SLC12A1: variants seen among roughly 807,000 people sequenced by gnomAD.
The protein encoded by SLC12A1 is solute carrier family 12 member 1.
In SLC12A1, 89 loss-of-function variants were observed where a neutral mutation model predicts 130.4. That is an observed-to-expected ratio of 0.68 (90% CI 0.58 to 0.81). The LOEUF is 0.81. SLC12A1 is among the 40% of genes least tolerant of loss of function. SLC12A1 has a pLI of 0.00. For missense variants in SLC12A1, 1,310 were observed against 1,336.4 expected, an observed-to-expected ratio of 0.98 and a Z score of 0.31; for synonymous variants, 499 against 460.0, an observed-to-expected ratio of 1.08 and a Z score of -1.09.
chr15:48,220,484 A>C (rs2041198137), intron 2 of SLC12A1, 150 bp from the exon 3 acceptor site: 19 of 825,674 alleles, frequency 2.3e-5, no homozygotes, highest in Non-Finnish European at 3.4e-5. Context: ...AAAAAATATA[A>C]GTTTCATTAA....
chr15:48,251,608 T>C lies in SLC12A1; in HGVS notation c.1787-7T>C. ...GGAAGTTTTCCTTCTGCATATTTTG[T>C]TTTCAGGATGGAGACCTGCGTATGG... On this transcript the variant is annotated splice_region_variant and splice_polypyrimidine_tract_variant and intron_variant, in intron 14 of 26. Transcript: ENST00000380993. The C allele has an allele frequency of 6.2e-7, 1 of 1,612,366 alleles. No homozygotes were observed. Among genetic ancestry groups the C allele is most frequent in the Non-Finnish European group, 8.5e-7 (1 of 1,178,414 alleles).
At chr15:48,301,567 C>T (rs1008682577) in intron 26 of SLC12A1, among the ~76,000 whole-genome samples, 185 bp downstream of exon 26, 5 of 150,748 alleles carry the variant, frequency 3.3e-5, no homozygotes, top group African/African-American at 1.2e-4. Context: ...GAGACCTTGA[C>T]CCCTCAGGCC....
At chr15:48,232,671 A>ATGT (rs1389236218) in intron 7 of SLC12A1, 56 bp from the exon 8 acceptor site, 3 of 1,070,134 alleles carry the variant, frequency 2.8e-6, no homozygotes, top group East Asian at 2.4e-5. Flanking sequence ...TTTTATAATT[A>ATGT]TGTAAAAAGT....
At chr15:48,265,764 C>T (rs1231779495) in intron 17 of SLC12A1, among the ~76,000 whole-genome samples, 3 of 151,956 alleles carry the variant, frequency 2.0e-5, no homozygotes, top group African/African-American at 4.8e-5. Context: ...GAGTCTGATC[C>T]AATTTAAATA....
chr15:48,257,927 CTTT>C (rs371827665), intron 16 of SLC12A1, among the ~76,000 whole-genome samples: 220 of 152,310 alleles, frequency 1.4e-3, no homozygotes, highest in African/African-American at 4.8e-3. Flanking sequence ...ATTTTTCCAA[CTTT>C]TTTGCTCTGT....
In SLC12A1 at chr15:48,294,899, T is replaced by TTTTATTTA. The variant is rs6145555; in HGVS notation, c.2960+3055_2960+3062dup. Among the ~76,000 whole-genome samples, 412 of 147,438 alleles carry TTTTATTTA rather than the reference T, an allele frequency of 2.8e-3. 3 individuals carry two copies. Among genetic ancestry groups the TTTTATTTA allele is most frequent in the Non-Finnish European group, 3.5e-3 (234 of 67,362 alleles). The stretch of plus-strand genomic sequence containing the variant: ...TGAATTATCCACCCACTTCTTTTTA[T>TTTTATTTA]TTTATTTATTTATTTATTTATTTAT... On this transcript the variant is annotated intron_variant, in intron 24 of 26. Coordinates refer to ENST00000380993, the MANE Select transcript of SLC12A1 (RefSeq NM_000338.3).
At chr15:48,273,393 A>T (rs1597446290) in intron 19 of SLC12A1, among the ~76,000 whole-genome samples, 1 of 152,284 alleles carries the variant, frequency 6.6e-6, no homozygotes, top group Middle Eastern at 3.4e-3. Flanking sequence ...TGTCCCATCC[A>T]GGTAATCTAG....
At position 48,230,423 on chromosome 15, in the gene SLC12A1, A is replaced by T; in HGVS notation, c.895A>T (p.Asn299Tyr). 1 of 1,612,618 alleles carries T rather than the reference A, an allele frequency of 6.2e-7. No individual in the cohort carries two copies. Among genetic ancestry groups the T allele is most frequent in the Non-Finnish European group, 8.5e-7 (1 of 1,179,358 alleles). Residue 299 changes from asparagine (N) to tyrosine (Y), a missense_variant, in exon 7 of 27, where the codon AAT becomes TAT. Physicochemically the swap from Asn to Tyr is moderately radical, Grantham distance 143. Transcript: ENST00000380993. ...ESDSMMVDPT[N>Y]DIRIIGSITV... is the part of the protein sequence containing the mutation. Reference sequence around the variant, plus strand: ...TGATTCGATGATGGTGGATCCAACCAATGACATCCGGATTATAGGCTCCAT... The same window carrying T: ...TGATTCGATGATGGTGGATCCAACCTATGACATCCGGATTATAGGCTCCAT...
chr15:48,264,318 C>G (rs1052395846), intron 17 of SLC12A1, among the ~76,000 whole-genome samples: 1 of 151,990 alleles, frequency 6.6e-6, no homozygotes, highest in Non-Finnish European at 1.5e-5. Flanking sequence ...AAACCTAAGG[C>G]TCTCTTTGAA....
intron 15 of SLC12A1, among the ~76,000 whole-genome samples, chr15:48,253,298 T>C (rs1454179613): frequency 6.6e-6 from 1 of 152,256 alleles, no homozygotes; most frequent in East Asian, 1.9e-4. Flanking sequence ...AGATACAGGA[T>C]ATTTCCATCA....
At chr15:48,282,265 C>T (rs1183737476) in intron 20 of SLC12A1, among the ~76,000 whole-genome samples, 4 of 152,108 alleles carry the variant, frequency 2.6e-5, no homozygotes, top group East Asian at 1.9e-4. Flanking sequence ...CTAAAGCATT[C>T]GAGCAAAATT....
chr15:48,303,150 A>C lies in SLC12A1; in HGVS notation c.*265A>C. On this transcript the variant is annotated 3_prime_UTR_variant, in exon 27 of 27. Transcript: ENST00000380993. ...ATAAACAAGAAAATCAAGGAAACTC[A>C]TGTTGGCTTATGCTCATGAAAACCA... 3.6e-6 allele frequency: 1 copy of C among 274,548 alleles called. No homozygotes were observed. Among genetic ancestry groups the C allele is most frequent in the Non-Finnish European group, 6.8e-6 (1 of 147,562 alleles). The allele number at this position is 274,548 out of a possible 1,614,324, so 17.0% of individuals were successfully genotyped here.
intron 24 of SLC12A1, among the ~76,000 whole-genome samples, chr15:48,296,960 A>C (rs2141126485): frequency 6.6e-6 from 1 of 152,326 alleles, no homozygotes; most frequent in Non-Finnish European, 1.5e-5. Flanking sequence ...TGTGTCACTT[A>C]GCATGTTTCA....
At chr15:48,301,181 A>C (rs2042228083) in intron 25 of SLC12A1, 134 bp from the exon 26 acceptor site, 1 of 703,904 alleles carries the variant, frequency 1.4e-6, no homozygotes, top group Non-Finnish European at 2.5e-6. Flanking sequence ...TAAGTTTCTA[A>C]GCCTGAAAAA....
intron 11 of SLC12A1, 131 bp downstream of exon 11, chr15:48,245,035 G>C: frequency 3.5e-6 from 3 of 846,482 alleles, no homozygotes; most frequent in Non-Finnish European, 5.6e-6. Flanking sequence ...TGATTCATGT[G>C]GAAATGAAAG....
intron 19 of SLC12A1, 51 bp from the exon 20 acceptor site, chr15:48,274,520 G>A (rs2041930064): frequency 8.4e-7 from 1 of 1,185,706 alleles, no homozygotes; most frequent in African/African-American, 1.5e-5. Flanking sequence ...TCCAAAGCTT[G>A]AGGATTAAAA....
chr15:48,274,109 G>C (rs2041926344), intron 19 of SLC12A1, among the ~76,000 whole-genome samples: 1 of 152,104 alleles, frequency 6.6e-6, no homozygotes, highest in Non-Finnish European at 1.5e-5. Context: ...ATTCTATAGA[G>C]GAACTGGAGA....
In SLC12A1 at chr15:48,258,356, G is replaced by A. The variant is rs551983395; in HGVS notation, c.2043-844G>A. 4.7e-3 allele frequency among the ~76,000 whole-genome samples: 266 copies of A among 56,372 alleles called. 24 individuals are homozygous for A. In the Middle Eastern group the frequency reaches 0.056, roughly 12 times the overall value. The allele number at this position is 56,372 out of a possible 152,430, so 37.0% of individuals were successfully genotyped here. A position where few individuals can be genotyped will look rare whatever the true frequency, so the allele number is the denominator to read the frequency against. ...AGCCTGGGCGACAGAGCGAGACTCC[G>A]TCTCAAAAAAAAAAAAAAAAAAAAA... On this transcript the variant is annotated intron_variant, in intron 16 of 26. Coordinates refer to ENST00000380993, the MANE Select transcript of SLC12A1 (RefSeq NM_000338.3).
At position 48,246,939 on chromosome 15, in the gene SLC12A1, C is replaced by T. The variant is rs769157516; in HGVS notation, c.1483C>T (p.Leu495Phe). The T allele has an allele frequency of 9.9e-6, 16 of 1,613,966 alleles. No homozygotes were observed. Among genetic ancestry groups the T allele is most frequent in the South Asian group, 4.4e-5 (4 of 91,074 alleles). The change falls in exon 12 of 27, where the codon CTC becomes TTC. Residue 495 changes from leucine to phenylalanine, a missense_variant. Physicochemically the swap from Leu to Phe is conservative, Grantham distance 22. Transcript: ENST00000380993. The stretch of plus-strand genomic sequence containing the variant: ...GAGCATGGTATCAGGGTTCGGCCCC[C>T]TCATCACTGCGGGAATCTTTTCTGC... ...VMSMVSGFGP[L>F]ITAGIFSATL...
Sources: gnomAD v4.1 joint callset for allele counts (sites outside exome capture counted in the v4.1 genomes callset) on GRCh38, gnomAD v4.1.1 for gene constraint, MANE v1.5 for transcripts, NCBI Gene and HGNC (gene_info 2026-07-23, HGNC 2026-07-21) for gene names.